Variants in ANKFY1 observed in about 807,000 individuals in gnomAD.
ANKFY1 encodes ankyrin repeat and FYVE domain containing 1, also known as ankyrin repeat and FYVE domain-containing protein 1.
ANKFY1 carries 47 observed loss-of-function variants against 128.3 expected under a neutral mutation model. That is an observed-to-expected ratio of 0.37 (90% CI 0.29 to 0.47). The LOEUF is 0.47. Ranked by LOEUF, ANKFY1 falls within the 20% of genes least tolerant of loss-of-function variation. ANKFY1 has a pLI of 1.00. For missense variants in ANKFY1, 1,222 were observed against 1,510.6 expected (o/e 0.81, Z 3.17); for synonymous variants, 553 against 601.6 (o/e 0.92, Z 1.18).
At chr17:4,257,162 A>G (rs138308752) in intron 1 of ANKFY1, among the ~76,000 whole-genome samples, 118 of 152,294 alleles carry the variant, frequency 7.7e-4, no homozygotes, top group African/African-American at 2.7e-3. Flanking sequence ...CTCTCTCATC[A>G]ACATTCAACC....
rs1372737823 is a variant in ANKFY1, at chr17:4,167,993, G to A, written c.3378-82C>T. The A allele has an allele frequency of 6.7e-7, 1 of 1,488,290 alleles. No homozygotes were observed. The highest frequency in any genetic ancestry group is 9.0e-7 in the Non-Finnish European group (1 of 1,106,554). 92.2% of individuals were successfully genotyped at this position (1,488,290 alleles called of 1,614,324 possible). A position where few individuals can be genotyped will look rare whatever the true frequency, so the allele number is the denominator to read the frequency against. On this transcript the variant is annotated intron_variant, in intron 24 of 24. Transcript: ENST00000341657. The surrounding 1 kb of genome is among the most constrained non-coding windows in gnomAD (Gnocchi z 4.1). ...TGGCACGTGAGGACAACCGCAGCAG[G>A]GCCTGGCAGCCAAGGCGCCCGCAAT... is the stretch of plus-strand genomic sequence containing the variant.
At chr17:4,183,673 T>G in intron 13 of ANKFY1, 122 bp from the exon 14 acceptor site, 1 of 1,425,054 alleles carries the variant, frequency 7.0e-7, no homozygotes, top group Non-Finnish European at 9.6e-7. Context: ...TCTAACAGGC[T>G]TAACTCAAAC....
intron 1 of ANKFY1, among the ~76,000 whole-genome samples, chr17:4,253,322 G>C (rs1243446780): frequency 1.3e-5 from 2 of 152,188 alleles, no homozygotes; most frequent in Non-Finnish European, 2.9e-5. Flanking sequence ...GACTGCAAAG[G>C]AGGTCAAGGG....
intron 1 of ANKFY1, among the ~76,000 whole-genome samples, chr17:4,262,719 C>T (rs1170850120): frequency 6.6e-6 from 1 of 152,172 alleles, no homozygotes; most frequent in Non-Finnish European, 1.5e-5. Context: ...TGTACTCCAG[C>T]CGGTGGGACA....
At chr17:4,259,264 G>A (rs1382643832) in intron 1 of ANKFY1, among the ~76,000 whole-genome samples, 1 of 152,306 alleles carries the variant, frequency 6.6e-6, no homozygotes, top group African/African-American at 2.4e-5. Context: ...CAGAGTCTGA[G>A]CTCTTAAACA....
chr17:4,202,324 C>G (rs1342604515), intron 7 of ANKFY1, among the ~76,000 whole-genome samples: 1 of 151,426 alleles, frequency 6.6e-6, no homozygotes, highest in East Asian at 1.9e-4. Flanking sequence ...TCGCTTGAAC[C>G]CGGGAGGCGG....
Position 4,178,376 on chromosome 17 carries a change from C to G in ANKFY1, c.2598+481G>C, listed in dbSNP as rs908482357. The G allele has an allele frequency of 5.3e-6, 1 of 189,610 alleles. No homozygotes were observed. The highest frequency in any genetic ancestry group is 1.1e-5 in the Non-Finnish European group (1 of 88,320). 11.7% of individuals were successfully genotyped at this position (189,610 alleles called of 1,614,324 possible). On this transcript the variant is annotated intron_variant, in intron 18 of 24. Transcript: ENST00000341657. This position sits in a 1 kb window ranked among gnomAD's most constrained non-coding sequence, Gnocchi z 4.1. Reference sequence around the variant, plus strand: ...TCAGATCAGTTGTGATTGTCATTTCCCAGCCAACTGCTTGTTGCAGATCAA... The same window carrying G: ...TCAGATCAGTTGTGATTGTCATTTCGCAGCCAACTGCTTGTTGCAGATCAA...
intron 3 of ANKFY1, among the ~76,000 whole-genome samples, chr17:4,224,658 CTGTT>C (rs139072627): frequency 0.3 from 45,026 of 151,482 alleles, 7,644 homozygotes; most frequent in Admixed American, 0.39. Flanking sequence ...GCATGGAAAA[CTGTT>C]TGTTTGTTTT....
intron 19 of ANKFY1, among the ~76,000 whole-genome samples, chr17:4,176,089 C>A (rs1202615192): frequency 6.6e-6 from 1 of 152,182 alleles, no homozygotes; most frequent in Non-Finnish European, 1.5e-5. Flanking sequence ...GTTCCTGGCA[C>A]CATCATACCC....
chr17:4,169,121 C>G lies in ANKFY1; in HGVS notation c.3377+77G>C. ...GTGCAGGACCCAGGCAAGTTCACGG[C>G]CTGTCCTGGAGAAGGGGGGAAGCAA... On this transcript the variant is annotated intron_variant, in intron 24 of 24. Transcript: ENST00000341657. The surrounding 1 kb of genome is among the most constrained non-coding windows in gnomAD (Gnocchi z 5.0). 7.3e-7 allele frequency: 1 copy of G among 1,378,646 alleles called. No homozygotes were observed. Among genetic ancestry groups the G allele is most frequent in the Non-Finnish European group, 1.0e-6 (1 of 993,554 alleles). 85.4% of individuals were successfully genotyped at this position (1,378,646 alleles called of 1,614,324 possible).
chr17:4,256,328 G>A (rs1030439109), intron 1 of ANKFY1, among the ~76,000 whole-genome samples: 3 of 152,062 alleles, frequency 2.0e-5, no homozygotes, highest in African/African-American at 7.2e-5. Context: ...CTCAGGAGGC[G>A]GAGGCAGGAG....
intron 7 of ANKFY1, among the ~76,000 whole-genome samples, chr17:4,202,434 C>A (rs1206012764): frequency 6.7e-6 from 1 of 149,618 alleles, no homozygotes; most frequent in Non-Finnish European, 1.5e-5. Flanking sequence ...CGCAGTGGCT[C>A]ACGCCTGTAA....
At chr17:4,180,173 A>C in intron 16 of ANKFY1, 1 of 331,264 alleles carries the variant, frequency 3.0e-6, no homozygotes. Context: ...CATGCCTCTA[A>C]TCCCAGCACT....
chr17:4,186,942 A>G, intron 11 of ANKFY1: 1 of 1,172,454 alleles, frequency 8.5e-7, no homozygotes, highest in East Asian at 3.8e-5. Context: ...ATTCCCACAC[A>G]CAGGCTCCTC....
intron 6 of ANKFY1, among the ~76,000 whole-genome samples, chr17:4,207,275 G>A (rs780638646): frequency 6.6e-6 from 1 of 152,204 alleles, no homozygotes; most frequent in Non-Finnish European, 1.5e-5. Context: ...AACCAGAAGA[G>A]TAAGTCAGAG....
chr17:4,242,352 A>G lies in ANKFY1; in HGVS notation c.107T>C (p.Leu36Pro), dbSNP rs762318292. 8 of 1,603,296 alleles carry G rather than the reference A, an allele frequency of 5.0e-6. 1 individual carries two copies. In the African/African-American group the frequency reaches 1.1e-4, roughly 22 times the overall value. ...KLAETEKRCA[L>P]LAAQANKESS... ...CTCCTTGTTTGCCTGCGCAGCCAAG[A>G]GAGCGCAGCGCTTCTCTGTCTCCGC... Residue 36 changes from leucine to proline, a missense_variant, in exon 2 of 25, where the codon CTC (leucine) becomes CCC (proline). By Grantham distance (98) the Leu-to-Pro change is moderately conservative. Coordinates refer to ENST00000341657, the MANE Select transcript of ANKFY1 (RefSeq NM_001330063.2).
chr17:4,168,015 C>G, intron 24 of ANKFY1, 104 bp from the exon 25 acceptor site: 1 of 1,307,990 alleles, frequency 7.6e-7, no homozygotes. Context: ...AAGGCGCCCG[C>G]AATGCTACTC....
intron 5 of ANKFY1, 127 bp downstream of exon 5, chr17:4,209,697 A>G: frequency 9.4e-7 from 1 of 1,068,838 alleles, no homozygotes; most frequent in Non-Finnish European, 1.3e-6. Flanking sequence ...CAAACTATTT[A>G]TTCTTCAATT....
At chr17:4,173,509 T>C in intron 20 of ANKFY1, 65 bp from the exon 21 acceptor site, 1 of 1,454,316 alleles carries the variant, frequency 6.9e-7, no homozygotes, top group East Asian at 2.3e-5. Flanking sequence ...CCACTCCTCC[T>C]CACCCTCACA....
Sources: gnomAD v4.1 joint callset for allele counts (sites outside exome capture counted in the v4.1 genomes callset) on GRCh38, gnomAD v4.1.1 for gene constraint, Gnocchi (gnomAD v3.1) non-coding constraint, MANE v1.5 for transcripts, NCBI Gene and HGNC (gene_info 2026-07-23, HGNC 2026-07-21) for gene names.